RANBP17: variants seen among roughly 807,000 people sequenced by gnomAD.
The protein encoded by RANBP17 is ran-binding protein 17.
RANBP17 carries 158 observed loss-of-function variants against 141.2 expected under a neutral mutation model. That is an observed-to-expected ratio of 1.12 (90% CI 0.98 to 1.28). RANBP17 has a LOEUF of 1.28. RANBP17 is among the 50% of genes most tolerant of loss of function. RANBP17 has a pLI of 0.00. For synonymous variants in RANBP17, 430 were observed against 450.0 expected, an observed-to-expected ratio of 0.96 and a Z score of 0.56; for missense variants, 1,438 against 1,290.7, an observed-to-expected ratio of 1.11 and a Z score of -1.75.
chr5:170,906,763 G>A (rs1271680549), intron 5 of RANBP17, among the ~76,000 whole-genome samples: 3 of 151,818 alleles, frequency 2.0e-5, no homozygotes, highest in Non-Finnish European at 4.4e-5. Flanking sequence ...TTGACCAATA[G>A]GACCTTTTTC....
At chr5:171,220,185 C>T (rs990882173) in intron 21 of RANBP17, among the ~76,000 whole-genome samples, 6 of 152,130 alleles carry the variant, frequency 3.9e-5, no homozygotes, top group African/African-American at 1.4e-4. Context: ...GAGGTCCACT[C>T]CAGATCCTGT....
chr5:171,020,186 A>G lies in RANBP17; in HGVS notation c.1710+51809A>G, dbSNP rs146893752. Among the ~76,000 whole-genome samples, 913 of 152,286 alleles carry G rather than the reference A, an allele frequency of 6.0e-3. 9 individuals carry two copies. Among genetic ancestry groups the G allele is most frequent in the African/African-American group, 0.021 (869 of 41,554 alleles). On this transcript the variant is annotated intron_variant, in intron 14 of 27. Coordinates refer to ENST00000523189, the MANE Select transcript of RANBP17 (RefSeq NM_022897.5). Reference sequence around the variant, plus strand: ...TTTGCTGAGGAGTGTTTCACTTCCAATTATGTGATTGATTTCAGAGTAAGT... The same window carrying G: ...TTTGCTGAGGAGTGTTTCACTTCCAGTTATGTGATTGATTTCAGAGTAAGT...
intron 13 of RANBP17, among the ~76,000 whole-genome samples, chr5:170,958,004 C>T (rs1775860083): frequency 1.3e-5 from 2 of 152,178 alleles, no homozygotes; most frequent in African/African-American, 4.8e-5. Flanking sequence ...CAGAATATAA[C>T]TACCATGAAT....
intron 22 of RANBP17, among the ~76,000 whole-genome samples, chr5:171,237,730 G>A (rs1459919649): frequency 6.6e-6 from 1 of 152,198 alleles, no homozygotes; most frequent in Non-Finnish European, 1.5e-5. Context: ...ACCTGGCAAT[G>A]CCATCATCTC....
intron 9 of RANBP17, chr5:170,918,429 A>ACACACACAC (rs1581142558): frequency 5.5e-5 from 6 of 108,492 alleles, no homozygotes; most frequent in East Asian, 5.0e-4. Flanking sequence ...CACACACACA[A>ACACACACAC]CTTTTGTGTA....
chr5:171,271,157 C>T (rs1346944104), intron 25 of RANBP17: 1 of 112,324 alleles, frequency 8.9e-6, no homozygotes, highest in Non-Finnish European at 1.6e-5. Context: ...GAAGAGCTGT[C>T]AGGAGCTATA....
At position 171,170,130 on chromosome 5, in the gene RANBP17, G is replaced by A; in HGVS notation, c.1711G>A (p.Val571Ile). 6.5e-7 allele frequency: 1 copy of A among 1,529,462 alleles called. No homozygotes were observed. The allele number at this position is 1,529,462 out of a possible 1,614,324, so 94.7% of individuals were successfully genotyped here. ...TTAACAATGAAATGTTTTAATGCAG[G>A]TATATGCTCGTATGTCAGAAGTCTT... ...VGDQLQRTSK[V>I]YARMSEVLGI... Residue 571 changes from valine (V) to isoleucine (I), a missense_variant and splice_region_variant, in exon 15 of 28, where the codon GTA becomes ATA. By Grantham distance (29) the Val-to-Ile change is conservative. Coordinates refer to ENST00000523189, the MANE Select transcript of RANBP17 (RefSeq NM_022897.5).
At chr5:171,222,966 C>T (rs1369567206) in intron 22 of RANBP17, among the ~76,000 whole-genome samples, 1 of 152,076 alleles carries the variant, frequency 6.6e-6, no homozygotes, top group Non-Finnish European at 1.5e-5. Context: ...ACAAATTGTA[C>T]AAAATTTTGT....
Position 170,914,312 on chromosome 5 carries a change from A to G in RANBP17, c.834+72A>G, listed in dbSNP as rs952131559. ...TAAGGGGTGGTATATATTTACTTCA[A>G]AAATTCTGTTTATATATTCAATTGA... On this transcript the variant is annotated intron_variant, in intron 8 of 27. Transcript: ENST00000523189. 6.4e-6 allele frequency: 6 copies of G among 936,212 alleles called. No individual in the cohort carries two copies. The African/African-American group carries it at 1.1e-4, about 17-fold the overall frequency. 58.0% of individuals were successfully genotyped at this position (936,212 alleles called of 1,614,324 possible). A position where few individuals can be genotyped will look rare whatever the true frequency, so the allele number is the denominator to read the frequency against.
intron 13 of RANBP17, among the ~76,000 whole-genome samples, chr5:170,958,873 A>G (rs761534561): frequency 6.6e-6 from 1 of 152,232 alleles, no homozygotes; most frequent in Non-Finnish European, 1.5e-5. Flanking sequence ...TAGTCATTTT[A>G]GTTTCATTCA....
At chr5:171,032,222 C>T (rs1490969623) in intron 14 of RANBP17, among the ~76,000 whole-genome samples, 3 of 152,036 alleles carry the variant, frequency 2.0e-5, no homozygotes, top group Non-Finnish European at 2.9e-5. Context: ...TTAATGAATT[C>T]CCTTTTAGAT....
chr5:171,252,126 TTCA>T, intron 24 of RANBP17: 1 of 1,593,754 alleles, frequency 6.3e-7, no homozygotes, highest in South Asian at 1.1e-5. Context: ...TCCCAAGAAG[TTCA>T]TCACAAGATT....
At chr5:171,121,210 C>G (rs1756007784) in intron 14 of RANBP17, among the ~76,000 whole-genome samples, 1 of 152,234 alleles carries the variant, frequency 6.6e-6, no homozygotes, top group African/African-American at 2.4e-5. Flanking sequence ...AGTTGCTCGG[C>G]TGTCCTGGGG....
chr5:171,285,988 T>A (rs1191988345), intron 25 of RANBP17, among the ~76,000 whole-genome samples: 2 of 152,250 alleles, frequency 1.3e-5, no homozygotes, highest in Non-Finnish European at 2.9e-5. Flanking sequence ...TAAACTGTGA[T>A]TAAAATGGAT....
At chr5:171,066,054 A>G (rs751355866) in intron 14 of RANBP17, among the ~76,000 whole-genome samples, 9 of 151,382 alleles carry the variant, frequency 5.9e-5, no homozygotes, top group Non-Finnish European at 1.2e-4. Context: ...TAGAGACAGG[A>G]TTTCACCATG....
At chr5:170,970,222 A>G (rs1427051774) in intron 14 of RANBP17, among the ~76,000 whole-genome samples, 1 of 151,790 alleles carries the variant, frequency 6.6e-6, no homozygotes, top group East Asian at 1.9e-4. Context: ...TGAGTGGAAC[A>G]TATTTCTTGG....
intron 2 of RANBP17, among the ~76,000 whole-genome samples, chr5:170,879,445 T>C (rs1768477563): frequency 6.6e-6 from 1 of 152,170 alleles, no homozygotes; most frequent in Admixed American, 6.5e-5. Context: ...TCAGAAAATA[T>C]ATCTCTGAAT....
At position 170,895,501 on chromosome 5, in the gene RANBP17, C is replaced by T. The variant is rs560797330; in HGVS notation, c.424-549C>T. Among the ~76,000 whole-genome samples the T allele has an allele frequency of 2.6e-5, 4 of 152,078 alleles. No homozygotes were observed. In the South Asian group the frequency reaches 8.3e-4, roughly 32 times the overall value. ...TCATTGCATTGTGTACTTTACATGC[C>T]ATCATTATAGGTATGTAACAATTTC... On this transcript the variant is annotated intron_variant, in intron 4 of 27. Transcript: ENST00000523189.
chr5:171,012,030 A>C (rs947034944), intron 14 of RANBP17, among the ~76,000 whole-genome samples: 1 of 150,646 alleles, frequency 6.6e-6, no homozygotes, highest in Non-Finnish European at 1.5e-5. Context: ...TAAACAAATA[A>C]TATATTTGTT....
Sources: allele counts gnomAD v4.1 joint callset (sites outside exome capture counted in the v4.1 genomes callset), GRCh38; gene constraint gnomAD v4.1.1; transcripts MANE v1.5; gene names NCBI Gene and HGNC (gene_info 2026-07-23, HGNC 2026-07-21).